The following INSL6 variants were observed in gnomAD, a reference collection of about 807,000 sequenced individuals.
The protein encoded by INSL6 is insulin-like peptide INSL6.
A neutral mutation model predicts 9.4 loss-of-function variants in INSL6; 16 were observed. That is an observed-to-expected ratio of 1.70 (90% confidence interval 1.15 to 2.59). The LOEUF is 2.59. Among genes scored for constraint, INSL6 ranks in the 30% most tolerant of loss-of-function variants. The probability of loss-of-function intolerance (pLI) is 0.00; values close to 1 mark genes in which losing one functional copy is unlikely to be tolerated. For missense variants in INSL6, 391 were observed against 257.3 expected (o/e 1.52, Z -3.56); for synonymous variants, 154 against 96.9 (o/e 1.59, Z -3.46).
the INSL6 span, among the ~76,000 whole-genome samples, chr9:5,036,572 T>A: frequency 6.6e-6 from 1 of 152,160 alleles, no homozygotes; most frequent in South Asian, 2.1e-4. Flanking sequence ...TCTACAACCA[T>A]CTGATCTTTG....
the INSL6 span, among the ~76,000 whole-genome samples, chr9:5,052,507 A>G: frequency 0.022 from 3,415 of 152,262 alleles, 143 homozygotes; most frequent in African/African-American, 0.079. Flanking sequence ...TTTACAAATC[A>G]TAAATCTCAC....
intron 2 of INSL6, among the ~76,000 whole-genome samples, chr9:5,153,681 AACAG>A (rs761660818): frequency 5.9e-5 from 9 of 152,112 alleles, no homozygotes; most frequent in South Asian, 2.1e-4. Flanking sequence ...ATACACCAAT[AACAG>A]ACAGAGAGCC....
chr9:5,024,324 AT>A, the INSL6 span, among the ~76,000 whole-genome samples: 15 of 151,708 alleles, frequency 9.9e-5, no homozygotes, highest in African/African-American at 2.9e-4. Flanking sequence ...AGCTTGTAAG[AT>A]TTTTTTTTGA....
chr9:5,007,040 C>A, the INSL6 span, among the ~76,000 whole-genome samples: 2 of 151,918 alleles, frequency 1.3e-5, no homozygotes, highest in Non-Finnish European at 2.9e-5. Context: ...ATCAGTCTTT[C>A]TAGTGTTTTA....
At chr9:5,181,198 T>C (rs1408229168) in intron 1 of INSL6, among the ~76,000 whole-genome samples, 2 of 152,076 alleles carry the variant, frequency 1.3e-5, no homozygotes, top group Admixed American at 6.5e-5. Flanking sequence ...CTTTTAAATA[T>C]ATATGAAAGA....
At chr9:5,073,323 CAAGT>C in the INSL6 span, among the ~76,000 whole-genome samples, 1 of 152,190 alleles carries the variant, frequency 6.6e-6, no homozygotes, top group Non-Finnish European at 1.5e-5. Flanking sequence ...AATTCTTTAG[CAAGT>C]GTTATTTAAA....
chr9:5,106,290 TA>T, the INSL6 span, among the ~76,000 whole-genome samples: 1 of 152,054 alleles, frequency 6.6e-6, no homozygotes, highest in African/African-American at 2.4e-5. Context: ...AACAGACATA[TA>T]AAAAATGCTT....
intron 2 of INSL6, among the ~76,000 whole-genome samples, chr9:5,150,409 T>C (rs1321972574): frequency 6.6e-6 from 1 of 151,936 alleles, no homozygotes; most frequent in African/African-American, 2.4e-5. Context: ...ATAAAACAAA[T>C]AATCCCATTA....
the INSL6 span, chr9:5,085,375 A>C: frequency 1.1e-6 from 1 of 906,804 alleles, no homozygotes; most frequent in Non-Finnish European, 1.8e-6. Flanking sequence ...GATCTCATGC[A>C]CCACTGGGTC....
At chr9:5,100,702 G>A in the INSL6 span, 1 of 152,188 alleles carries the variant, frequency 6.6e-6, no homozygotes, top group South Asian at 2.1e-4. Context: ...GAAGGAAATC[G>A]AAAGCAAATA....
the INSL6 span, among the ~76,000 whole-genome samples, chr9:5,039,497 G>A: frequency 5.1e-4 from 78 of 152,110 alleles, no homozygotes; most frequent in African/African-American, 1.8e-3. Flanking sequence ...TGCAGATTTT[G>A]GTATGTGTGG....
At chr9:5,028,671 G>A in the INSL6 span, among the ~76,000 whole-genome samples, 3 of 152,182 alleles carry the variant, frequency 2.0e-5, no homozygotes, top group African/African-American at 7.2e-5. Context: ...TGGATAACTT[G>A]CTGCATCCTC....
At chr9:5,089,566 G>C in the INSL6 span, 33 of 164,476 alleles carry the variant, frequency 2.0e-4, no homozygotes, top group African/African-American at 6.7e-4. Context: ...AAAAAAAAAA[G>C]ACAGTCTGCT....
rs573365837 is a variant in INSL6 at position 5,141,460 on chromosome 9, T to G, written c.377-7868A>C. On this transcript the variant is annotated intron_variant, in intron 2 of 3. Transcript: ENST00000649639. ...ACGTTTCTCTAATGATCAGTGATGT[T>G]GAGCTTTTTTTCATACGATTGTTGG... 2.6e-5 allele frequency among the ~76,000 whole-genome samples: 4 copies of G among 152,362 alleles called. No homozygotes were observed. In the East Asian group the frequency reaches 7.7e-4, roughly 29 times the overall value.
chr9:5,138,330 C>T (rs1380651832), intron 2 of INSL6, among the ~76,000 whole-genome samples: 1 of 152,182 alleles, frequency 6.6e-6, no homozygotes, highest in Non-Finnish European at 1.5e-5. Flanking sequence ...TTGGAACCAA[C>T]CCAAATGCCC....
the INSL6 span, among the ~76,000 whole-genome samples, chr9:5,033,205 A>T: frequency 1.3e-5 from 2 of 152,236 alleles, no homozygotes; most frequent in African/African-American, 4.8e-5. Flanking sequence ...AAAAAGGAAT[A>T]AAAGGAAACA....
intron 1 of INSL6, among the ~76,000 whole-genome samples, chr9:5,180,440 G>C (rs935305368): frequency 6.6e-6 from 1 of 152,174 alleles, no homozygotes; most frequent in Non-Finnish European, 1.5e-5. Flanking sequence ...GGCTATAAAC[G>C]GATGTGCAAG....
At chr9:5,022,013 C>T in the INSL6 span, 1 of 1,613,894 alleles carries the variant, frequency 6.2e-7, no homozygotes, top group African/African-American at 1.3e-5. Context: ...CTTACGATGA[C>T]AGAAATGGAG....
chr9:5,097,644 T>A, the INSL6 span: 1 of 152,254 alleles, frequency 6.6e-6, no homozygotes, highest in Non-Finnish European at 1.5e-5. Context: ...CTACACTGCG[T>A]GGTGGTAACA....
Sources: allele counts gnomAD v4.1 joint callset (sites outside exome capture counted in the v4.1 genomes callset), GRCh38; gene constraint gnomAD v4.1.1; transcripts MANE v1.5; gene names NCBI Gene and HGNC (gene_info 2026-07-23, HGNC 2026-07-21).